Variants in NAA60 observed in about 807,000 individuals in gnomAD.
The protein encoded by NAA60 is N-alpha-acetyltransferase 60.
In NAA60, 8 loss-of-function variants were observed where a neutral mutation model predicts 26.1. The ratio of observed to expected loss-of-function variants is 0.31; its 90% CI spans 0.18 to 0.55. The LOEUF is 0.55. Among genes scored for constraint, NAA60 ranks in the 20% least tolerant of loss-of-function variants. The pLI is 0.93. For missense variants in NAA60, 290 were observed against 311.3 expected (o/e 0.93, Z 0.51); for synonymous variants, 131 against 122.5 (o/e 1.07, Z -0.46).
chr16:3,471,901 T>C (rs2036171644), intron 2 of NAA60, among the ~76,000 whole-genome samples: 1 of 152,142 alleles, frequency 6.6e-6, no homozygotes, highest in African/African-American at 2.4e-5. Flanking sequence ...CTGGAAAGGC[T>C]GAATCGAGGA....
intron 2 of NAA60, among the ~76,000 whole-genome samples, chr16:3,470,382 G>A (rs761190274): frequency 6.6e-6 from 1 of 152,192 alleles, no homozygotes; most frequent in African/African-American, 2.4e-5. Context: ...CAGAGCTCCC[G>A]TCACAGCGGC....
intron 1 of NAA60, among the ~76,000 whole-genome samples, chr16:3,446,029 T>G (rs978059406): frequency 5.3e-5 from 8 of 152,206 alleles, no homozygotes; most frequent in African/African-American, 1.9e-4. Context: ...TCAAGTAACA[T>G]GTTTTAATCA....
At chr16:3,461,241 G>T (rs1351184331) in intron 2 of NAA60, among the ~76,000 whole-genome samples, 1 of 152,202 alleles carries the variant, frequency 6.6e-6, no homozygotes, top group Non-Finnish European at 1.5e-5. Context: ...CGTAGTGCTT[G>T]TGGGAGTGAT....
In NAA60 at chr16:3,464,921, C is replaced by T. The variant is rs559969898; in HGVS notation, c.-6-11301C>T. 5.3e-5 allele frequency among the ~76,000 whole-genome samples: 8 copies of T among 152,274 alleles called. No homozygotes were observed. The East Asian group carries it at 1.2e-3, about 22-fold the overall frequency. On this transcript the variant is annotated intron_variant, in intron 2 of 7. Transcript: ENST00000407558. ...CCTCAGTTGTCTCAAGCTGCTCTTT[C>T]AGTGGGAATGTGAGATCTGGTAGCA...
At chr16:3,463,024 G>C (rs2035510521) in intron 2 of NAA60, among the ~76,000 whole-genome samples, 1 of 152,082 alleles carries the variant, frequency 6.6e-6, no homozygotes, top group Non-Finnish European at 1.5e-5. Context: ...GGCCTCCCTT[G>C]TCCACAGCCT....
At chr16:3,478,046 CAGTG>C (rs1469120253) in intron 3 of NAA60, among the ~76,000 whole-genome samples, 4 of 137,600 alleles carry the variant, frequency 2.9e-5, no homozygotes, top group Non-Finnish European at 4.8e-5. Flanking sequence ...ACCTGAGCGA[CAGTG>C]AGACTCTGTC....
intron 1 of NAA60, among the ~76,000 whole-genome samples, chr16:3,447,776 C>G (rs190188523): frequency 3.3e-5 from 5 of 152,334 alleles, no homozygotes; most frequent in African/African-American, 1.2e-4. Flanking sequence ...AAGAGGCTCA[C>G]ACAGTTTTGA....
At chr16:3,461,456 C>T (rs980187300) in intron 2 of NAA60, among the ~76,000 whole-genome samples, 1 of 152,196 alleles carries the variant, frequency 6.6e-6, no homozygotes, top group Non-Finnish European at 1.5e-5. Context: ...CTAGTCCCAC[C>T]TTGTCAGCAG....
At chr16:3,447,299 G>GT (rs1371914767) in intron 1 of NAA60, among the ~76,000 whole-genome samples, 3 of 152,204 alleles carry the variant, frequency 2.0e-5, no homozygotes, top group Non-Finnish European at 4.4e-5. Context: ...GGTAGTGGTA[G>GT]TTATATTTTT....
intron 2 of NAA60, among the ~76,000 whole-genome samples, chr16:3,463,860 G>C (rs949753733): frequency 2.0e-5 from 3 of 152,128 alleles, no homozygotes; most frequent in African/African-American, 7.2e-5. Context: ...AAATCTATGT[G>C]TGTGTTCGTC....
intron 2 of NAA60, among the ~76,000 whole-genome samples, chr16:3,470,114 C>T (rs1218567302): frequency 6.6e-6 from 1 of 152,208 alleles, no homozygotes; most frequent in Non-Finnish European, 1.5e-5. Flanking sequence ...GGGCTTTGCC[C>T]CTGCCATGCC....
At chr16:3,458,821 T>G (rs1330709696) in intron 2 of NAA60, among the ~76,000 whole-genome samples, 2 of 152,332 alleles carry the variant, frequency 1.3e-5, no homozygotes, top group East Asian at 3.9e-4. Context: ...TCCGACTTTC[T>G]TCTCCAGATT....
At chr16:3,458,254 G>T in intron 2 of NAA60, 2 of 921,488 alleles carry the variant, frequency 2.2e-6, no homozygotes, top group Non-Finnish European at 2.6e-6. Context: ...TAGGCGGGGA[G>T]GCCGCGCCGG....
At chr16:3,452,035 G>C (rs2034806151) in intron 2 of NAA60, among the ~76,000 whole-genome samples, 1 of 151,784 alleles carries the variant, frequency 6.6e-6, no homozygotes, top group Non-Finnish European at 1.5e-5. Context: ...GCAATATAGT[G>C]AGACTCTGCC....
upstream of NAA60, chr16:3,443,667 T>G: frequency 7.3e-7 from 1 of 1,362,976 alleles, no homozygotes; most frequent in Non-Finnish European, 9.6e-7. Context: ...TCCTTTTCTC[T>G]AAGCAACCAT....
At position 3,485,804 on chromosome 16, in the gene NAA60, C is replaced by T. The variant is rs1482489515; in HGVS notation, c.*544C>T. The T allele has an allele frequency of 7.7e-6, 3 of 391,652 alleles. No individual in the cohort carries two copies. Among genetic ancestry groups the T allele is most frequent in the East Asian group, 7.3e-5 (1 of 13,738 alleles). 24.3% of individuals were successfully genotyped at this position (391,652 alleles called of 1,614,324 possible). ...CCTGGGGGGTGAGGAGTGGCCCCCA[C>T]TCCTCCATGAGGGGCTGATGAGGGG... On this transcript the variant is annotated 3_prime_UTR_variant, in exon 8 of 8. Transcript: ENST00000407558.
chr16:3,445,690 C>T (rs1405366196), intron 1 of NAA60, among the ~76,000 whole-genome samples: 1 of 152,002 alleles, frequency 6.6e-6, no homozygotes, highest in Non-Finnish European at 1.5e-5. Context: ...TTCTTTAAAT[C>T]CTGTTGCCAT....
At chr16:3,484,522 G>T in intron 6 of NAA60, 177 bp from the exon 7 acceptor site, 1 of 784,002 alleles carries the variant, frequency 1.3e-6, no homozygotes, top group Non-Finnish European at 2.0e-6. Context: ...TTGCACAGCA[G>T]AGGCCACTTC....
rs974642522 is a variant in NAA60 at position 3,486,604 on chromosome 16, T to C, written c.*1344T>C. On this transcript the variant is annotated 3_prime_UTR_variant, in exon 8 of 8. Coordinates refer to ENST00000407558, the MANE Select transcript of NAA60 (RefSeq NM_001083601.3). ...GCAGCATCCCCCTCCTTGACGGTGC[T>C]GGCAGGAGGGCCGCGCCATGCTGAC... 4 of 152,378 alleles carry C rather than the reference T, an allele frequency of 2.6e-5. No homozygotes were observed. The highest frequency in any genetic ancestry group is 4.1e-4 in the South Asian group (2 of 4,836). The allele number at this position is 152,378 out of a possible 1,614,324, so 9.4% of individuals were successfully genotyped here. A position where few individuals can be genotyped will look rare whatever the true frequency, so the allele number is the denominator to read the frequency against.
Sources: gnomAD v4.1 joint callset for allele counts (sites outside exome capture counted in the v4.1 genomes callset) on GRCh38, gnomAD v4.1.1 for gene constraint, MANE v1.5 for transcripts, NCBI Gene and HGNC (gene_info 2026-07-23, HGNC 2026-07-21) for gene names.